Variants in RSPH1 observed in about 807,000 individuals in gnomAD.
The protein encoded by RSPH1 is radial spoke head 1 homolog.
A neutral mutation model predicts 44.2 loss-of-function variants in RSPH1; 32 were observed. The ratio of observed to expected loss-of-function variants is 0.72; its 90% CI spans 0.55 to 0.97. The LOEUF is 0.97. Ranked by LOEUF, RSPH1 falls within the 50% of genes least tolerant of loss-of-function variation. RSPH1 has a pLI of 0.00. For missense variants in RSPH1, 391 were observed against 398.7 expected (o/e 0.98, Z 0.16); for synonymous variants, 134 against 147.3 (o/e 0.91, Z 0.65).
intron 6 of RSPH1, among the ~76,000 whole-genome samples, chr21:42,479,254 C>T (rs1029940483): frequency 2.6e-5 from 4 of 152,214 alleles, no homozygotes; most frequent in Admixed American, 6.5e-5. Flanking sequence ...TTCTGTTCCA[C>T]CACCATCCTA....
At chr21:42,487,653 T>C (rs561416323) in intron 3 of RSPH1, among the ~76,000 whole-genome samples, 1 of 152,356 alleles carries the variant, frequency 6.6e-6, no homozygotes, top group South Asian at 2.1e-4. Context: ...AATTCACTTT[T>C]ATACCAACTT....
At chr21:42,485,883 A>C (rs1189650924) in intron 4 of RSPH1, 79 bp from the exon 5 acceptor site, 20 of 1,573,806 alleles carry the variant, frequency 1.3e-5, no homozygotes, top group East Asian at 9.0e-5. Flanking sequence ...AGACATTGAC[A>C]TTGAGGGAGG....
chr21:42,472,557 A>C lies in RSPH1; in HGVS notation c.*261T>G, dbSNP rs1280311460. 6.5e-6 allele frequency: 2 copies of C among 310,056 alleles called. No individual in the cohort carries two copies. The highest frequency in any genetic ancestry group is 5.6e-5 in the East Asian group (1 of 17,964). 19.2% of individuals were successfully genotyped at this position (310,056 alleles called of 1,614,324 possible). The stretch of plus-strand genomic sequence containing the variant: ...CAACTTAACATACAGCTGAGAAAGA[A>C]AGACTAAAAACCCTCTAATAAAGAT... On this transcript the variant is annotated 3_prime_UTR_variant, in exon 9 of 9. Coordinates refer to ENST00000291536, the MANE Select transcript of RSPH1 (RefSeq NM_080860.4).
chr21:42,493,715 C>G (rs146264307), intron 1 of RSPH1, among the ~76,000 whole-genome samples: 1 of 152,316 alleles, frequency 6.6e-6, no homozygotes, highest in Non-Finnish European at 1.5e-5. Context: ...TTCGAACACT[C>G]ATGACCCAAT....
At chr21:42,488,230 C>T (rs2054199037) in intron 3 of RSPH1, among the ~76,000 whole-genome samples, 1 of 152,176 alleles carries the variant, frequency 6.6e-6, no homozygotes, top group Admixed American at 6.5e-5. Flanking sequence ...CTTCAGGTCC[C>T]TGAACCTAAA....
In RSPH1 at chr21:42,496,118, A is replaced by G; in HGVS notation, c.54+15T>C. On this transcript the variant is annotated intron_variant, in intron 1 of 8. Transcript: ENST00000291536. The stretch of plus-strand genomic sequence containing the variant: ...TGCGCACCCTGGGAAGCCCTTTCTC[A>G]CCAGGAGCTCTCACCCCAATATCAT... 1 of 1,613,866 alleles carries G rather than the reference A, an allele frequency of 6.2e-7. No homozygotes were observed. Among genetic ancestry groups the G allele is most frequent in the Non-Finnish European group, 8.5e-7 (1 of 1,179,916 alleles).
At chr21:42,491,747 T>C (rs1161146355) in intron 3 of RSPH1, among the ~76,000 whole-genome samples, 1 of 152,108 alleles carries the variant, frequency 6.6e-6, no homozygotes, top group African/African-American at 2.4e-5. Context: ...CACCTACTGG[T>C]TCTTATTTTA....
rs202208015 is a variant in RSPH1 at position 42,477,337 on chromosome 21, C to G, written c.681G>C (p.Lys227Asn). The G allele has an allele frequency of 1.9e-6, 3 of 1,610,910 alleles. No individual in the cohort carries two copies. The highest frequency in any genetic ancestry group is 2.5e-6 in the Non-Finnish European group (3 of 1,178,752). ...LALWTPTLPK[K>N]PTSTDGPGQD... The stretch of plus-strand genomic sequence containing the variant: ...GGCCAGGTCCATCCGTAGAGGTCGG[C>G]TTTTTGGGGAGAGTTGGTGTCCACA... The change falls in exon 7 of 9, where the codon AAG becomes AAC. Residue 227 changes from lysine to asparagine, a missense_variant. By Grantham distance (94) the Lys-to-Asn change is moderately conservative. Coordinates refer to ENST00000291536, the MANE Select transcript of RSPH1 (RefSeq NM_080860.4).
At chr21:42,475,826 G>A in intron 8 of RSPH1, 72 bp downstream of exon 8, 1 of 1,545,900 alleles carries the variant, frequency 6.5e-7, no homozygotes, top group East Asian at 2.3e-5. Flanking sequence ...CTTGGTGAAG[G>A]GAAGGGGAAT....
intron 6 of RSPH1, among the ~76,000 whole-genome samples, chr21:42,482,377 C>T (rs1248905986): frequency 6.6e-6 from 1 of 152,194 alleles, no homozygotes; most frequent in Non-Finnish European, 1.5e-5. Flanking sequence ...GCCATTGTGC[C>T]CTGCCAGGAT....
intron 6 of RSPH1, among the ~76,000 whole-genome samples, chr21:42,477,907 T>C (rs1601626326): frequency 6.6e-6 from 1 of 152,126 alleles, no homozygotes; most frequent in East Asian, 1.9e-4. Flanking sequence ...TTTATATTAT[T>C]CTTTATATAA....
rs1259627530 is a variant in RSPH1 at position 42,474,081 on chromosome 21, G to A, written c.878-1211C>T. On this transcript the variant is annotated intron_variant, in intron 8 of 8. Transcript: ENST00000291536. The surrounding 1 kb of genome is among the most constrained non-coding windows in gnomAD (Gnocchi z 5.2). ...CCGTTATCTCCCCCACCAAGTTTCT[G>A]GGGCCTCCTGCCTTGCCTGGCTCCA... Among the ~76,000 whole-genome samples the A allele has an allele frequency of 1.3e-5, 2 of 152,084 alleles. No individual in the cohort carries two copies. Among genetic ancestry groups the A allele is most frequent in the Admixed American group, 6.5e-5 (1 of 15,270 alleles).
At chr21:42,475,007 G>A (rs2054030265) in intron 8 of RSPH1, among the ~76,000 whole-genome samples, 1 of 152,182 alleles carries the variant, frequency 6.6e-6, no homozygotes, top group South Asian at 2.1e-4. Flanking sequence ...TTCCCAGATG[G>A]CCCTTTCCCT....
intron 1 of RSPH1, among the ~76,000 whole-genome samples, chr21:42,494,408 A>G (rs1369406698): frequency 6.6e-6 from 1 of 152,190 alleles, no homozygotes; most frequent in African/African-American, 2.4e-5. Flanking sequence ...TCCTGCCTAG[A>G]ATATAAGGTA....
At chr21:42,481,204 A>AT (rs1055111783) in intron 6 of RSPH1, among the ~76,000 whole-genome samples, 3 of 150,044 alleles carry the variant, frequency 2.0e-5, no homozygotes, top group Admixed American at 1.3e-4. Context: ...GGTTGTTAAA[A>AT]ATATATATAT....
chr21:42,485,505 A>G, intron 5 of RSPH1, 164 bp downstream of exon 5: 1 of 725,038 alleles, frequency 1.4e-6, no homozygotes, highest in Non-Finnish European at 2.3e-6. Flanking sequence ...CTCTGTGGGT[A>G]CCAGAGGCTC....
At chr21:42,495,420 G>A (rs1237708897) in intron 1 of RSPH1, among the ~76,000 whole-genome samples, 1 of 152,220 alleles carries the variant, frequency 6.6e-6, no homozygotes, top group Non-Finnish European at 1.5e-5. Context: ...CATAGTGGCT[G>A]AGGTTCCCTA....
intron 3 of RSPH1, among the ~76,000 whole-genome samples, chr21:42,490,406 C>T (rs1254904971): frequency 6.6e-6 from 1 of 152,184 alleles, no homozygotes; most frequent in Non-Finnish European, 1.5e-5. Flanking sequence ...CTCAGCCATA[C>T]ATTAACTGAG....
intron 6 of RSPH1, among the ~76,000 whole-genome samples, 157 bp from the exon 7 acceptor site, chr21:42,477,601 T>C (rs1036712055): frequency 4.6e-5 from 7 of 152,262 alleles, no homozygotes; most frequent in Non-Finnish European, 8.8e-5. Flanking sequence ...AGTTGCTGAC[T>C]ATCCATGGTA....
Sources: gnomAD v4.1 joint callset for allele counts (sites outside exome capture counted in the v4.1 genomes callset) on GRCh38, gnomAD v4.1.1 for gene constraint, Gnocchi (gnomAD v3.1) non-coding constraint, MANE v1.5 for transcripts, NCBI Gene and HGNC (gene_info 2026-07-23, HGNC 2026-07-21) for gene names.